Variants in DEUP1 observed in about 807,000 individuals in gnomAD.
The protein encoded by DEUP1 is deuterosome assembly protein 1.
In DEUP1, 82 loss-of-function variants were observed where a neutral mutation model predicts 87.4. The ratio of observed to expected loss-of-function variants is 0.94; its 90% CI spans 0.78 to 1.13. The LOEUF is 1.13. DEUP1 is among the 50% of genes most tolerant of loss of function. DEUP1 has a pLI of 0.00. For missense variants in DEUP1, 663 were observed against 681.5 expected (o/e 0.97, Z 0.30); for synonymous variants, 214 against 222.7 (o/e 0.96, Z 0.35).
chr11:93,398,504 T>C (rs1436071339), intron 11 of DEUP1, among the ~76,000 whole-genome samples: 3 of 152,142 alleles, frequency 2.0e-5, no homozygotes, highest in Non-Finnish European at 4.4e-5. Context: ...ATGAGTACCT[T>C]TTAAAATTTC....
At chr11:93,356,736 A>T (rs1944916589) in intron 3 of DEUP1, among the ~76,000 whole-genome samples, 1 of 152,192 alleles carries the variant, frequency 6.6e-6, no homozygotes, top group African/African-American at 2.4e-5. Context: ...AAACATCCGT[A>T]CTGTCCTAAT....
At chr11:93,363,116 A>C (rs114155053) in intron 4 of DEUP1, among the ~76,000 whole-genome samples, 1 of 151,950 alleles carries the variant, frequency 6.6e-6, no homozygotes, top group Admixed American at 6.6e-5. Flanking sequence ...AGTGAAAAAA[A>C]TACAATCCCA....
chr11:93,368,754 G>A (rs1190972824), intron 5 of DEUP1, among the ~76,000 whole-genome samples: 6 of 152,044 alleles, frequency 3.9e-5, no homozygotes, highest in Non-Finnish European at 8.8e-5. Context: ...GACCAACATG[G>A]TGAAATGCTG....
intron 13 of DEUP1, among the ~76,000 whole-genome samples, chr11:93,436,663 T>G (rs1050248920): frequency 1.3e-5 from 2 of 152,166 alleles, no homozygotes; most frequent in Non-Finnish European, 2.9e-5. Flanking sequence ...AAAATCCACC[T>G]AACAAGGTTC....
chr11:93,370,166 G>C lies in DEUP1; in HGVS notation c.526G>C (p.Glu176Gln), dbSNP rs760400259. 6.4e-7 allele frequency: 1 copy of C among 1,567,914 alleles called. No individual in the cohort carries two copies. The highest frequency in any genetic ancestry group is 1.7e-5 in the Admixed American group (1 of 58,694). Residue 176 changes from glutamate to glutamine, a missense_variant, in exon 6 of 14, where the codon GAG becomes CAG. Transcript: ENST00000298050. ...AGATGCTCAACAAAAATTATTATCT[G>C]AGAAGTGTAATCAGTTTCAGGTAAG... ...SLDAQQKLLS[E>Q]KCNQFQKQAQ...
chr11:93,403,749 A>C (rs1947189092), intron 11 of DEUP1, among the ~76,000 whole-genome samples: 1 of 151,636 alleles, frequency 6.6e-6, no homozygotes, highest in African/African-American at 2.4e-5. Context: ...AAGAAAATTT[A>C]TTGAAATGAA....
chr11:93,357,185 T>C (rs1016831525), intron 4 of DEUP1, 142 bp downstream of exon 4: 2 of 576,098 alleles, frequency 3.5e-6, no homozygotes, highest in Non-Finnish European at 6.0e-6. Flanking sequence ...CTTTCCCTGT[T>C]TTATATGCAT....
intron 2 of DEUP1, among the ~76,000 whole-genome samples, chr11:93,341,128 A>G (rs981337210): frequency 2.0e-5 from 3 of 152,150 alleles, no homozygotes; most frequent in Non-Finnish European, 2.9e-5. Context: ...ATATGAAGAT[A>G]TGGTGTAGGC....
intron 13 of DEUP1, among the ~76,000 whole-genome samples, chr11:93,431,756 T>C (rs909619092): frequency 6.6e-6 from 1 of 152,136 alleles, no homozygotes; most frequent in African/African-American, 2.4e-5. Context: ...CCAGGAAATA[T>C]TCTGGTGTGT....
intron 11 of DEUP1, among the ~76,000 whole-genome samples, chr11:93,407,858 C>T (rs1947324593): frequency 6.7e-6 from 1 of 149,454 alleles, no homozygotes; most frequent in African/African-American, 2.5e-5. Context: ...TGCAATTTTG[C>T]CATTGAAAGT....
intron 7 of DEUP1, among the ~76,000 whole-genome samples, chr11:93,371,734 A>G (rs950474065): frequency 1.3e-5 from 2 of 152,220 alleles, no homozygotes; most frequent in South Asian, 2.1e-4. Context: ...ATAATCATTT[A>G]TCAAACAGTA....
At chr11:93,435,290 G>T (rs950863441) in intron 13 of DEUP1, among the ~76,000 whole-genome samples, 1 of 152,162 alleles carries the variant, frequency 6.6e-6, no homozygotes, top group Middle Eastern at 3.4e-3. Context: ...GTTGCAAGCA[G>T]GTCAGACATT....
rs1349676327 is a variant in DEUP1, at chr11:93,409,381, G to C, written c.1523+954G>C. Among the ~76,000 whole-genome samples, 5 of 152,146 alleles carry C rather than the reference G, an allele frequency of 3.3e-5. No individual in the cohort carries two copies. In the East Asian group the frequency reaches 9.6e-4, roughly 29 times the overall value. Reference sequence around the variant, plus strand: ...GCTAAGTTATTCAATTTTAATAAAAGATTTATGGAGTCATAAGTCTCTGAA... The same window carrying C: ...GCTAAGTTATTCAATTTTAATAAAACATTTATGGAGTCATAAGTCTCTGAA... On this transcript the variant is annotated intron_variant, in intron 12 of 13. Coordinates refer to ENST00000298050, the MANE Select transcript of DEUP1 (RefSeq NM_181645.4).
intron 13 of DEUP1, among the ~76,000 whole-genome samples, chr11:93,419,969 G>T (rs190226030): frequency 1.3e-5 from 2 of 151,748 alleles, no homozygotes; most frequent in Non-Finnish European, 2.9e-5. Context: ...ATTCACAGCC[G>T]AATTCTACCA....
At chr11:93,395,180 T>C (rs529696153) in intron 10 of DEUP1, among the ~76,000 whole-genome samples, 1 of 152,306 alleles carries the variant, frequency 6.6e-6, no homozygotes, top group East Asian at 1.9e-4. Flanking sequence ...GTAACATTCT[T>C]CTGTTAAAAT....
chr11:93,399,238 T>G (rs1046355133), intron 11 of DEUP1, among the ~76,000 whole-genome samples: 2 of 151,892 alleles, frequency 1.3e-5, no homozygotes, highest in Admixed American at 6.6e-5. Context: ...GATTATTATA[T>G]CTTTCATCCA....
At chr11:93,427,957 TA>T (rs1314188269) in intron 13 of DEUP1, among the ~76,000 whole-genome samples, 1 of 149,646 alleles carries the variant, frequency 6.7e-6, no homozygotes, top group African/African-American at 2.5e-5. Context: ...TGGCAATCAT[TA>T]AAAAGTCAGG....
intron 11 of DEUP1, among the ~76,000 whole-genome samples, chr11:93,400,633 G>A (rs1947085416): frequency 6.6e-6 from 1 of 152,010 alleles, no homozygotes; most frequent in African/African-American, 2.4e-5. Context: ...TTTGGGAGTG[G>A]CACAGCTAAA....
At position 93,408,455 on chromosome 11, in the gene DEUP1, T is replaced by A. The variant is rs760991733; in HGVS notation, c.1523+28T>A. Reference sequence around the variant, plus strand: ...ATGCTGGCTCCATTATATAAGGGCATAAGTTTAAAAACATGTAATTAAAAT... The same window carrying A: ...ATGCTGGCTCCATTATATAAGGGCAAAAGTTTAAAAACATGTAATTAAAAT... On this transcript the variant is annotated intron_variant, in intron 12 of 13. Coordinates refer to ENST00000298050, the MANE Select transcript of DEUP1 (RefSeq NM_181645.4). The A allele has an allele frequency of 1.3e-5, 17 of 1,341,384 alleles. No individual in the cohort carries two copies. The East Asian group carries it at 4.4e-4, about 35-fold the overall frequency. 83.1% of individuals were successfully genotyped at this position (1,341,384 alleles called of 1,614,324 possible). A position where few individuals can be genotyped will look rare whatever the true frequency, so the allele number is the denominator to read the frequency against.
Sources: gnomAD v4.1 joint callset for allele counts (sites outside exome capture counted in the v4.1 genomes callset) on GRCh38, gnomAD v4.1.1 for gene constraint, MANE v1.5 for transcripts, NCBI Gene and HGNC (gene_info 2026-07-23, HGNC 2026-07-21) for gene names.